The following LRP1B variants were observed in gnomAD, a reference collection of about 807,000 sequenced individuals.
LRP1B encodes LDL receptor related protein 1B.
A neutral mutation model predicts 556.6 loss-of-function variants in LRP1B; 217 were observed. That is an observed-to-expected ratio of 0.39 (90% CI 0.35 to 0.44). The LOEUF (loss-of-function observed/expected upper bound fraction) is 0.44. LRP1B is among the 20% of genes least tolerant of loss of function. The probability of loss-of-function intolerance (pLI) is 1.00; values close to 1 mark genes in which losing one functional copy is unlikely to be tolerated. For missense variants in LRP1B, 5,053 were observed against 5,620.8 expected, an observed-to-expected ratio of 0.90 and a Z score of 3.23; for synonymous variants, 2,047 against 1,865.8, an observed-to-expected ratio of 1.10 and a Z score of -2.50.
At chr2:141,830,864 A>G (rs1697091249) in intron 1 of LRP1B, among the ~76,000 whole-genome samples, 1 of 151,844 alleles carries the variant, frequency 6.6e-6, no homozygotes, top group Non-Finnish European at 1.5e-5. Flanking sequence ...AAGTGACTCC[A>G]AGAATTTGGT....
intron 2 of LRP1B, among the ~76,000 whole-genome samples, chr2:141,730,229 G>T (rs1039460483): frequency 9.2e-5 from 14 of 152,132 alleles, no homozygotes; most frequent in African/African-American, 3.1e-4. Flanking sequence ...AGAAGAGGGA[G>T]TCTGGTCTCC....
intron 3 of LRP1B, among the ~76,000 whole-genome samples, chr2:141,462,136 T>C (rs1681900471): frequency 6.6e-6 from 1 of 152,190 alleles, no homozygotes; most frequent in Non-Finnish European, 1.5e-5. Flanking sequence ...TACAATGTGT[T>C]GTCTTTTATT....
chr2:140,389,072 G>C lies in LRP1B; in HGVS notation c.10415-3063C>G, dbSNP rs1400177302. Among the ~76,000 whole-genome samples, 3 of 152,010 alleles carry C rather than the reference G, an allele frequency of 2.0e-5. No homozygotes were observed. In the South Asian group the frequency reaches 6.2e-4, roughly 32 times the overall value. ...TTACATTAATTTATACTGTTAAATA[G>C]CATTCATATATCTCATTATTCCCTT... On this transcript the variant is annotated intron_variant, in intron 66 of 90. Transcript: ENST00000389484.
chr2:141,130,026 T>C (rs1032641503), intron 7 of LRP1B, among the ~76,000 whole-genome samples: 4 of 151,844 alleles, frequency 2.6e-5, no homozygotes, highest in Non-Finnish European at 2.9e-5. Context: ...AATTTAACCA[T>C]ACAAAAAAGC....
intron 4 of LRP1B, among the ~76,000 whole-genome samples, chr2:141,251,462 A>G (rs950758468): frequency 2.0e-5 from 3 of 152,132 alleles, no homozygotes; most frequent in African/African-American, 7.2e-5. Flanking sequence ...TAGGATATAA[A>G]GTGGATATTT....
intron 1 of LRP1B, among the ~76,000 whole-genome samples, chr2:142,072,656 A>T (rs1559055189): frequency 6.6e-6 from 1 of 151,930 alleles, no homozygotes; most frequent in African/African-American, 2.4e-5. Context: ...GTGGCCCAAG[A>T]CAATTCTTTC....
intron 1 of LRP1B, among the ~76,000 whole-genome samples, chr2:142,091,399 A>AT (rs906168439): frequency 6.6e-6 from 1 of 152,030 alleles, no homozygotes; most frequent in Non-Finnish European, 1.5e-5. Context: ...ATTGGCTTTT[A>AT]TTTTTTTAAA....
intron 32 of LRP1B, among the ~76,000 whole-genome samples, chr2:140,802,373 T>A (rs552247501): frequency 2.8e-4 from 43 of 152,280 alleles, no homozygotes; most frequent in Middle Eastern, 6.8e-3. Context: ...TGATGAAAAA[T>A]CTTGTTTACA....
chr2:141,800,406 T>C (rs1293234683), intron 2 of LRP1B, among the ~76,000 whole-genome samples: 2 of 152,228 alleles, frequency 1.3e-5, no homozygotes, highest in Non-Finnish European at 2.9e-5. Flanking sequence ...GGACCATGAA[T>C]ACTATCATAA....
intron 18 of LRP1B, among the ~76,000 whole-genome samples, chr2:140,970,980 A>G (rs539476145): frequency 6.6e-6 from 1 of 152,046 alleles, no homozygotes; most frequent in East Asian, 1.9e-4. Flanking sequence ...GGCTCAAGGG[A>G]TCTGCCAGCT....
chr2:140,482,507 T>G (rs1688286367), intron 59 of LRP1B, among the ~76,000 whole-genome samples: 4 of 152,114 alleles, frequency 2.6e-5, no homozygotes, highest in Admixed American at 2.6e-4. Flanking sequence ...TACCCTAAAT[T>G]AATAATAAAT....
At chr2:140,321,686 T>TA (rs970548370) in intron 82 of LRP1B, among the ~76,000 whole-genome samples, 17 of 151,932 alleles carry the variant, frequency 1.1e-4, no homozygotes, top group African/African-American at 2.7e-4. Flanking sequence ...AGAAGAGTTA[T>TA]AAAAAAAATC....
intron 41 of LRP1B, among the ~76,000 whole-genome samples, chr2:140,617,836 A>G (rs1281354348): frequency 1.3e-5 from 2 of 151,972 alleles, no homozygotes; most frequent in African/African-American, 2.4e-5. Flanking sequence ...CCAAAATCCT[A>G]CTTAATTAGG....
chr2:140,505,563 C>G (rs1343238022), intron 53 of LRP1B, among the ~76,000 whole-genome samples: 1 of 152,146 alleles, frequency 6.6e-6, no homozygotes, highest in African/African-American at 2.4e-5. Context: ...GCCTCTCTGT[C>G]TCATTCATCT....
intron 6 of LRP1B, among the ~76,000 whole-genome samples, chr2:141,194,927 G>A (rs1681686962): frequency 6.6e-6 from 1 of 152,064 alleles, no homozygotes; most frequent in South Asian, 2.1e-4. Flanking sequence ...TGCTTGTGAT[G>A]TGCATGTACT....
At chr2:140,296,354 A>G (rs1683604141) in intron 84 of LRP1B, among the ~76,000 whole-genome samples, 1 of 152,216 alleles carries the variant, frequency 6.6e-6, no homozygotes, top group South Asian at 2.1e-4. Flanking sequence ...AAAATCTGAA[A>G]TCCAAAATAC....
Position 141,069,095 on chromosome 2 carries a change from C to T in LRP1B, c.1014-6822G>A, listed in dbSNP as rs78246086. On this transcript the variant is annotated intron_variant, in intron 7 of 90. Transcript: ENST00000389484. ...TAAATTCAATATATTACTCAAACCACGGATTTTCAAACGTCATTCCCTAAT... is the reference window on the plus strand; with the variant it reads ...TAAATTCAATATATTACTCAAACCATGGATTTTCAAACGTCATTCCCTAAT... Among the ~76,000 whole-genome samples the T allele has an allele frequency of 6.0e-3, 906 of 152,116 alleles. 11 individuals are homozygous for T. Among genetic ancestry groups the T allele is most frequent in the African/African-American group, 0.02 (844 of 41,538 alleles).
chr2:141,972,694 A>T (rs992352493), intron 1 of LRP1B, among the ~76,000 whole-genome samples: 1 of 151,602 alleles, frequency 6.6e-6, no homozygotes, highest in Non-Finnish European at 1.5e-5. Context: ...ATCTCGAAGC[A>T]CGATTGTTTC....
intron 2 of LRP1B, among the ~76,000 whole-genome samples, chr2:141,693,884 A>G (rs1183745205): frequency 6.6e-6 from 1 of 152,008 alleles, no homozygotes; most frequent in Non-Finnish European, 1.5e-5. Flanking sequence ...AGTACAGAAG[A>G]CATTCAGGTT....
Sources: gnomAD v4.1 joint callset for allele counts (sites outside exome capture counted in the v4.1 genomes callset) on GRCh38, gnomAD v4.1.1 for gene constraint, MANE v1.5 for transcripts, NCBI Gene and HGNC (gene_info 2026-07-23, HGNC 2026-07-21) for gene names.